Variants in ZNF664 observed in about 807,000 individuals in gnomAD.
The protein encoded by ZNF664 is zinc finger protein 664.
In ZNF664, 10 loss-of-function variants were observed where a neutral mutation model predicts 18.2. The observed-to-expected ratio is 0.55, with a 90% CI of 0.34 to 0.93. ZNF664 has a LOEUF of 0.93. Ranked by LOEUF, ZNF664 falls within the 40% of genes least tolerant of loss-of-function variation. The probability of loss-of-function intolerance (pLI) is 0.02; values close to 1 mark genes in which losing one functional copy is unlikely to be tolerated. For missense variants in ZNF664, 193 were observed against 319.0 expected, an observed-to-expected ratio of 0.61 and a Z score of 3.01; for synonymous variants, 119 against 104.2, an observed-to-expected ratio of 1.14 and a Z score of -0.86.
intron 2 of ZNF664, 113 bp downstream of exon 2, chr12:123,974,133 C>T (rs993924063): frequency 1.3e-5 from 9 of 704,246 alleles, no homozygotes; most frequent in Non-Finnish European, 1.8e-5. Context: ...TTCTCATGAA[C>T]TCCGTATACC....
chr12:123,979,882 C>G (rs1020369220), intron 2 of ZNF664, among the ~76,000 whole-genome samples: 1 of 152,160 alleles, frequency 6.6e-6, no homozygotes, highest in Non-Finnish European at 1.5e-5. Context: ...CGGAGTCTCA[C>G]CACGTTACCC....
chr12:124,007,731 A>G (rs1009984122), intron 3 of ZNF664, among the ~76,000 whole-genome samples: 1 of 151,816 alleles, frequency 6.6e-6, no homozygotes, highest in African/African-American at 2.4e-5. Context: ...TCAACCATAC[A>G]CAATATTTTA....
chr12:124,007,767 T>C (rs1957089971), intron 3 of ZNF664, among the ~76,000 whole-genome samples: 1 of 59,712 alleles, frequency 1.7e-5, no homozygotes, highest in Non-Finnish European at 3.4e-5. Context: ...GAGTAGACTA[T>C]TATCTCTTAC....
chr12:123,984,864 A>G (rs1956805782), intron 2 of ZNF664, among the ~76,000 whole-genome samples: 1 of 152,142 alleles, frequency 6.6e-6, no homozygotes, highest in Non-Finnish European at 1.5e-5. Flanking sequence ...GAGCTAAAAA[A>G]TGGAGACAGG....
intron 2 of ZNF664, 117 bp from the exon 3 acceptor site, chr12:123,987,926 T>A (rs1005373014): frequency 8.3e-7 from 1 of 1,210,122 alleles, no homozygotes; most frequent in African/African-American, 1.6e-5. Context: ...TAAATAGGTC[T>A]GTCCTATCTT....
At chr12:123,979,960 AG>A (rs1342198934) in intron 2 of ZNF664, among the ~76,000 whole-genome samples, 1 of 152,250 alleles carries the variant, frequency 6.6e-6, no homozygotes, top group Non-Finnish European at 1.5e-5. Context: ...TTGGGATTAC[AG>A]GCATGAGCCA....
At chr12:123,977,096 C>T (rs1956702283) in intron 2 of ZNF664, among the ~76,000 whole-genome samples, 1 of 152,010 alleles carries the variant, frequency 6.6e-6, no homozygotes, top group African/African-American at 2.4e-5. Context: ...AACAAAACCC[C>T]CACAAATCCT....
intron 2 of ZNF664, among the ~76,000 whole-genome samples, chr12:123,980,138 T>C (rs756878465): frequency 1.3e-5 from 2 of 152,222 alleles, no homozygotes. Flanking sequence ...TATATATATA[T>C]ATTCTGAATA....
At position 123,973,973 on chromosome 12, in the gene ZNF664, C is replaced by T. The variant is rs1041263065; in HGVS notation, c.-804C>T. On this transcript the variant is annotated 5_prime_UTR_variant, in exon 2 of 5. Coordinates refer to ENST00000337815, the MANE Select transcript of ZNF664 (RefSeq NM_152437.3). ...ACCCAGCGCAGAAGGCTGCTGCCGC[C>T]GGACGCCTCCATTGTTTGACCACAA... 8.3e-5 allele frequency: 102 copies of T among 1,231,816 alleles called. No homozygotes were observed. Among genetic ancestry groups the T allele is most frequent in the Admixed American group, 4.2e-5 (1 of 23,714 alleles). The allele number at this position is 1,231,816 out of a possible 1,614,324, so 76.3% of individuals were successfully genotyped here.
chr12:123,987,613 C>CT (rs983884070), intron 2 of ZNF664, among the ~76,000 whole-genome samples: 1 of 152,188 alleles, frequency 6.6e-6, no homozygotes, highest in Non-Finnish European at 1.5e-5. Context: ...CTCACCCAGT[C>CT]TGACTCCAGT....
At chr12:123,991,109 T>C (rs1175911638) in intron 3 of ZNF664, among the ~76,000 whole-genome samples, 1 of 152,206 alleles carries the variant, frequency 6.6e-6, no homozygotes. Flanking sequence ...ACCCACCAAA[T>C]TATTATGATT....
intron 3 of ZNF664, among the ~76,000 whole-genome samples, chr12:123,999,831 A>G (rs1956991066): frequency 6.6e-6 from 1 of 152,188 alleles, no homozygotes; most frequent in South Asian, 2.1e-4. Flanking sequence ...TGGTTTGAAG[A>G]GCAGAGCTAG....
intron 2 of ZNF664, among the ~76,000 whole-genome samples, chr12:123,975,262 G>A (rs1956674793): frequency 6.6e-6 from 1 of 152,222 alleles, no homozygotes; most frequent in Middle Eastern, 3.4e-3. Flanking sequence ...CCAGATGTGT[G>A]TGTATCATAT....
In ZNF664 at chr12:124,011,361, C is replaced by T. The variant is rs2138464370; in HGVS notation, c.-660-20C>T. ...TGAGCTGTAAACAGGAGCATGATAT[C>T]TACAAATTCTCTCCTTCAGACCTGC... On this transcript the variant is annotated intron_variant, in intron 3 of 4. Transcript: ENST00000337815. 1 of 803,714 alleles carries T rather than the reference C, an allele frequency of 1.2e-6. No homozygotes were observed. The highest frequency in any genetic ancestry group is 5.6e-5 in the South Asian group (1 of 17,722). The allele number at this position is 803,714 out of a possible 1,614,324, so 49.8% of individuals were successfully genotyped here. A position where few individuals can be genotyped will look rare whatever the true frequency, so the allele number is the denominator to read the frequency against.
In ZNF664 at chr12:124,012,953, A is replaced by G. The variant is rs770606818; in HGVS notation, c.*23A>G. ...TAAAACGTTTTGCTAAGAGTTTAAA[A>G]TCTTAAAACCCATAAGTGCCACTAG... On this transcript the variant is annotated 3_prime_UTR_variant, in exon 5 of 5. Coordinates refer to ENST00000337815, the MANE Select transcript of ZNF664 (RefSeq NM_152437.3). 5 of 1,605,620 alleles carry G rather than the reference A, an allele frequency of 3.1e-6. No homozygotes were observed. The highest frequency in any genetic ancestry group is 4.2e-6 in the Non-Finnish European group (5 of 1,176,756).
intron 2 of ZNF664, among the ~76,000 whole-genome samples, chr12:123,975,435 A>G (rs77715278): frequency 3.7e-4 from 56 of 150,576 alleles, no homozygotes; most frequent in African/African-American, 7.8e-4. Context: ...AAAAAAAAAA[A>G]AGAGAGAGAG....
chr12:123,999,456 C>T (rs1956986896), intron 3 of ZNF664, among the ~76,000 whole-genome samples: 1 of 152,168 alleles, frequency 6.6e-6, no homozygotes, highest in Non-Finnish European at 1.5e-5. Context: ...ACTCATAATA[C>T]TGCTGAAAGA....
At chr12:123,976,103 T>C (rs941815884) in intron 2 of ZNF664, among the ~76,000 whole-genome samples, 1 of 152,232 alleles carries the variant, frequency 6.6e-6, no homozygotes, top group Non-Finnish European at 1.5e-5. Flanking sequence ...CAAAATCAAC[T>C]TATTTTGTTC....
chr12:124,005,524 T>TGTGTGTGTGTGTGTGA (rs137963321), intron 3 of ZNF664, among the ~76,000 whole-genome samples: 65 of 147,348 alleles, frequency 4.4e-4, no homozygotes, highest in African/African-American at 1.5e-3. Flanking sequence ...TGTGTGTGTG[T>TGTGTGTGTGTGTGTGA]GAGAGATAGG....
Sources: allele counts gnomAD v4.1 joint callset (sites outside exome capture counted in the v4.1 genomes callset), GRCh38; gene constraint gnomAD v4.1.1; transcripts MANE v1.5; gene names NCBI Gene and HGNC (gene_info 2026-07-23, HGNC 2026-07-21).